The following BAZ2B variants were observed in gnomAD, a reference collection of about 807,000 sequenced individuals.
BAZ2B encodes bromodomain adjacent to zinc finger domain protein 2B.
A neutral mutation model predicts 246.0 loss-of-function variants in BAZ2B; 91 were observed. The ratio of observed to expected loss-of-function variants is 0.37; its 90% CI spans 0.31 to 0.44. The LOEUF (loss-of-function observed/expected upper bound fraction) is 0.44, where lower values mean the gene tolerates loss of function less well. Ranked by LOEUF, BAZ2B falls within the 20% of genes least tolerant of loss-of-function variation. The pLI is 1.00. For synonymous variants in BAZ2B, 855 were observed against 860.0 expected, an observed-to-expected ratio of 0.99 and a Z score of 0.10; for missense variants, 2,332 against 2,533.7, an observed-to-expected ratio of 0.92 and a Z score of 1.71.
chr2:159,469,948 A>T (rs2077568742), intron 3 of BAZ2B, among the ~76,000 whole-genome samples: 1 of 152,202 alleles, frequency 6.6e-6, no homozygotes, highest in South Asian at 2.1e-4. Flanking sequence ...CAACAAATCA[A>T]CTGCAAGAAA....
At chr2:159,691,375 C>A in the BAZ2B span, among the ~76,000 whole-genome samples, 1 of 152,098 alleles carries the variant, frequency 6.6e-6, no homozygotes, top group Non-Finnish European at 1.5e-5. Flanking sequence ...GAGGCCTTAC[C>A]TATAACATAG....
At chr2:159,483,215 G>T (rs76668700) in intron 2 of BAZ2B, among the ~76,000 whole-genome samples, 2 of 150,640 alleles carry the variant, frequency 1.3e-5, no homozygotes, top group African/African-American at 2.4e-5. Flanking sequence ...ATTTTTTTTT[G>T]AGAACAAGGT....
chr2:159,411,812 T>C (rs776396230), intron 14 of BAZ2B: 129 of 380,162 alleles, frequency 3.4e-4, no homozygotes, highest in Non-Finnish European at 4.4e-4. Context: ...CTTAAAGTAC[T>C]TTTTGATTTT....
chr2:159,685,986 C>A, the BAZ2B span, among the ~76,000 whole-genome samples: 2 of 152,186 alleles, frequency 1.3e-5, no homozygotes. Context: ...TAGAGACTGG[C>A]CCTGGTGGCC....
At chr2:159,469,432 T>TTTTA (rs982684711) in intron 3 of BAZ2B, among the ~76,000 whole-genome samples, 3 of 151,964 alleles carry the variant, frequency 2.0e-5, no homozygotes, top group African/African-American at 4.8e-5. Context: ...TTTTTACTTA[T>TTTTA]TTTATTTATT....
At position 159,412,378 on chromosome 2, in the gene BAZ2B, T is replaced by TAGGAATTCA. The variant is rs2066962475; in HGVS notation, c.2625_2633dup (p.Glu876_Leu878dup). On this transcript the variant is annotated inframe_insertion, in exon 14 of 37. Coordinates refer to ENST00000392783, the MANE Select transcript of BAZ2B (RefSeq NM_013450.4). ...TTAGCAACTTTGCATCTGCGTTATC[T>TAGGAATTCA]AGGAATTCAGCATTGCCAACATTTG... 6.2e-7 allele frequency: 1 copy of TAGGAATTCA among 1,614,066 alleles called. No homozygotes were observed. The highest frequency in any genetic ancestry group is 8.5e-7 in the Non-Finnish European group (1 of 1,180,020).
chr2:159,494,759 A>G (rs1171303246), intron 2 of BAZ2B, among the ~76,000 whole-genome samples: 1 of 152,246 alleles, frequency 6.6e-6, no homozygotes, highest in African/African-American at 2.4e-5. Context: ...TAATTATACA[A>G]ACTTTAACCA....
chr2:159,617,524 A>G (rs1307553663), upstream of BAZ2B, among the ~76,000 whole-genome samples: 1 of 152,134 alleles, frequency 6.6e-6, no homozygotes, highest in Non-Finnish European at 1.5e-5. Flanking sequence ...CCAGAACACA[A>G]GAAAGTCTCA....
chr2:159,480,137 A>C (rs2079073056), intron 2 of BAZ2B, among the ~76,000 whole-genome samples: 1 of 152,106 alleles, frequency 6.6e-6, no homozygotes, highest in African/African-American at 2.4e-5. Flanking sequence ...CACTAAATAC[A>C]AAAAATATGG....
downstream of BAZ2B, among the ~76,000 whole-genome samples, chr2:159,315,509 AAG>A (rs2062022927): frequency 6.6e-6 from 1 of 152,180 alleles, no homozygotes; most frequent in African/African-American, 2.4e-5. Context: ...CAGGGCTGGT[AAG>A]CTGGTGGTAG....
the BAZ2B span, among the ~76,000 whole-genome samples, chr2:159,707,523 T>A: frequency 6.6e-6 from 1 of 151,940 alleles, no homozygotes; most frequent in Non-Finnish European, 1.5e-5. Flanking sequence ...AAACCCCATC[T>A]CTACTAAAAA....
At chr2:159,616,562 A>T (rs1348175665), upstream of BAZ2B, 1 of 152,190 alleles carries the variant, frequency 6.6e-6, no homozygotes, top group Non-Finnish European at 1.5e-5. Context: ...GTCAACCAAC[A>T]AGGCTTCTCT....
At position 159,410,400 on chromosome 2, in the gene BAZ2B, G is replaced by C. The variant is rs2066628169; in HGVS notation, c.2677+1935C>G. Among the ~76,000 whole-genome samples the C allele has an allele frequency of 3.9e-5, 6 of 152,178 alleles. No individual in the cohort carries two copies. In the South Asian group the frequency reaches 1.2e-3, roughly 32 times the overall value. Reference sequence around the variant, plus strand: ...AGGAGGGACCTGGTGGGTGGGGATTGGATCATGAGGGGGTTTCCCCCCATG... The same window carrying C: ...AGGAGGGACCTGGTGGGTGGGGATTCGATCATGAGGGGGTTTCCCCCCATG... On this transcript the variant is annotated intron_variant, in intron 14 of 36. Coordinates refer to ENST00000392783, the MANE Select transcript of BAZ2B (RefSeq NM_013450.4).
intron 2 of BAZ2B, among the ~76,000 whole-genome samples, chr2:159,496,486 G>GAA (rs537958598): frequency 4.6e-5 from 5 of 108,576 alleles, no homozygotes; most frequent in South Asian, 6.3e-4. Context: ...GACTCTGCAG[G>GAA]AAAAAAAAAA....
intron 4 of BAZ2B, among the ~76,000 whole-genome samples, chr2:159,451,876 T>C (rs1221959167): frequency 1.3e-5 from 2 of 152,164 alleles, no homozygotes; most frequent in Non-Finnish European, 2.9e-5. Context: ...AGTATTTACA[T>C]TGTGGCTTAG....
intron 2 of BAZ2B, among the ~76,000 whole-genome samples, chr2:159,490,671 T>C (rs906611834): frequency 6.6e-6 from 1 of 151,748 alleles, no homozygotes; most frequent in East Asian, 1.9e-4. Context: ...CACAGGCTCA[T>C]GCCAGCACAC....
chr2:159,319,147 AAC>A lies in BAZ2B; in HGVS notation c.*1116_*1117del, dbSNP rs1192650561. Reference sequence around the variant, plus strand: ...CTATTTGCCTCCAACAGGCCACCACAACACACAGTAGATAAAACACAGTGGTT... The same window carrying A: ...CTATTTGCCTCCAACAGGCCACCACAACACAGTAGATAAAACACAGTGGTT... On this transcript the variant is annotated 3_prime_UTR_variant, in exon 37 of 37. Coordinates refer to ENST00000392783, the MANE Select transcript of BAZ2B (RefSeq NM_013450.4). The surrounding 1 kb of genome is among the most constrained non-coding windows in gnomAD (Gnocchi z 4.0). The A allele has an allele frequency of 6.6e-6, 1 of 152,634 alleles. No individual in the cohort carries two copies. The highest frequency in any genetic ancestry group is 2.4e-5 in the African/African-American group (1 of 41,440). The allele number at this position is 152,634 out of a possible 1,614,324, so 9.5% of individuals were successfully genotyped here. A position where few individuals can be genotyped will look rare whatever the true frequency, so the allele number is the denominator to read the frequency against.
At chr2:159,469,109 G>T (rs1283306488) in intron 3 of BAZ2B, among the ~76,000 whole-genome samples, 1 of 146,542 alleles carries the variant, frequency 6.8e-6, no homozygotes, top group Non-Finnish European at 1.5e-5. Context: ...AAAACAGAAG[G>T]AAATAATTAA....
At chr2:159,346,023 T>G (rs1488558538) in intron 31 of BAZ2B, among the ~76,000 whole-genome samples, 1 of 152,164 alleles carries the variant, frequency 6.6e-6, no homozygotes, top group Non-Finnish European at 1.5e-5. Context: ...ATGGAATAAT[T>G]TTCATTTCTC....
Sources: gnomAD v4.1 joint callset for allele counts (sites outside exome capture counted in the v4.1 genomes callset) on GRCh38, gnomAD v4.1.1 for gene constraint, Gnocchi (gnomAD v3.1) non-coding constraint, MANE v1.5 for transcripts, NCBI Gene and HGNC (gene_info 2026-07-23, HGNC 2026-07-21) for gene names.